The following FUT8 variants were observed in gnomAD, a reference collection of about 807,000 sequenced individuals.
FUT8 encodes alpha-(1,6)-fucosyltransferase.
A neutral mutation model predicts 71.3 loss-of-function variants in FUT8; 29 were observed. The observed-to-expected ratio is 0.41, with a 90% CI of 0.30 to 0.55. The LOEUF (loss-of-function observed/expected upper bound fraction) is 0.55, where lower values mean the gene tolerates loss of function less well. FUT8 is among the 20% of genes least tolerant of loss of function. FUT8 has a pLI of 0.34. For synonymous variants in FUT8, 254 were observed against 239.3 expected, an observed-to-expected ratio of 1.06 and a Z score of -0.57; for missense variants, 544 against 702.1, an observed-to-expected ratio of 0.77 and a Z score of 2.55.
chr14:65,600,935 G>T (rs950337798), intron 3 of FUT8, among the ~76,000 whole-genome samples: 3 of 152,122 alleles, frequency 2.0e-5, no homozygotes, highest in Admixed American at 6.6e-5. Context: ...GTTGGCTGCT[G>T]GATGATGCAA....
chr14:65,393,498 C>G, the FUT8 span, among the ~76,000 whole-genome samples: 1 of 152,092 alleles, frequency 6.6e-6, no homozygotes, highest in African/African-American at 2.4e-5. Flanking sequence ...TATGAGAAGA[C>G]AAAGATAGTG....
At chr14:65,385,377 TTTA>T in the FUT8 span, among the ~76,000 whole-genome samples, 13 of 152,306 alleles carry the variant, frequency 8.5e-5, no homozygotes, top group African/African-American at 3.1e-4. Context: ...TAAACCAATT[TTTA>T]TTCTCCCTTA....
chr14:65,464,657 T>G (rs1464827536), intron 2 of FUT8, among the ~76,000 whole-genome samples: 1 of 152,156 alleles, frequency 6.6e-6, no homozygotes, highest in Non-Finnish European at 1.5e-5. Context: ...TGGATTACAT[T>G]AATTGACTTT....
the FUT8 span, among the ~76,000 whole-genome samples, chr14:65,369,949 G>T: frequency 7.9e-5 from 12 of 152,084 alleles, no homozygotes; most frequent in African/African-American, 2.9e-4. The surrounding 1 kb of genome is among the most constrained non-coding windows in gnomAD (Gnocchi z 4.6). Flanking sequence ...CTTTCTTGCT[G>T]GAGGTCCAAG....
intron 2 of FUT8, among the ~76,000 whole-genome samples, chr14:65,527,174 AT>A (rs1458798133): frequency 6.6e-6 from 1 of 152,092 alleles, no homozygotes; most frequent in African/African-American, 2.4e-5. Flanking sequence ...ACTTGGTTCC[AT>A]TCTCCCTGTC....
the FUT8 span, among the ~76,000 whole-genome samples, chr14:65,384,533 A>G: frequency 3.3e-5 from 5 of 152,162 alleles, no homozygotes; most frequent in Non-Finnish European, 7.4e-5. This position sits in a 1 kb window ranked among gnomAD's most constrained non-coding sequence, Gnocchi z 4.2. Context: ...TCAATTCTCT[A>G]TGTTACTTTA....
At chr14:65,498,428 T>C (rs755497020) in intron 2 of FUT8, among the ~76,000 whole-genome samples, 6 of 152,194 alleles carry the variant, frequency 3.9e-5, no homozygotes, top group Non-Finnish European at 8.8e-5. Context: ...ATTTTTAATA[T>C]CTGTAGTTTT....
At position 65,638,369 on chromosome 14, in the gene FUT8, C is replaced by T. The variant is rs907697731; in HGVS notation, c.597+8763C>T. On this transcript the variant is annotated intron_variant, in intron 6 of 10. Coordinates refer to ENST00000673929, the MANE Select transcript of FUT8 (RefSeq NM_001371533.1). This position sits in a 1 kb window ranked among gnomAD's most constrained non-coding sequence, Gnocchi z 4.5. Reference sequence around the variant, plus strand: ...CCAGAAAGATTTTTTGGTTTGCCCCCGTGTTTTGCTTGCTTTGGTTTATGT... The same window carrying T: ...CCAGAAAGATTTTTTGGTTTGCCCCTGTGTTTTGCTTGCTTTGGTTTATGT... 7.2e-5 allele frequency among the ~76,000 whole-genome samples: 11 copies of T among 152,002 alleles called. No homozygotes were observed. The highest frequency in any genetic ancestry group is 1.9e-4 in the African/African-American group (8 of 41,422).
chr14:65,539,557 T>C (rs534534373), intron 2 of FUT8, among the ~76,000 whole-genome samples: 1 of 152,344 alleles, frequency 6.6e-6, no homozygotes, highest in South Asian at 2.1e-4. Flanking sequence ...AGTTACTAAA[T>C]TTTTTGCTTC....
chr14:65,650,460 C>T (rs1891336181), intron 6 of FUT8, among the ~76,000 whole-genome samples: 1 of 151,776 alleles, frequency 6.6e-6, no homozygotes, highest in Non-Finnish European at 1.5e-5. Context: ...TGTGAGATGT[C>T]TTACATGGTG....
chr14:65,692,388 C>T lies in FUT8; in HGVS notation c.835+22908C>T, dbSNP rs1194298271. ...CCCCCCACCTCCCTCCCGGACGGGG[C>T]GGCTGGCCGGGCGGGGGGCTGACCC... On this transcript the variant is annotated intron_variant, in intron 7 of 10. Coordinates refer to ENST00000673929, the MANE Select transcript of FUT8 (RefSeq NM_001371533.1). 2.3e-4 allele frequency among the ~76,000 whole-genome samples: 31 copies of T among 134,320 alleles called. No individual in the cohort carries two copies. The East Asian group carries it at 5.0e-3, about 21-fold the overall frequency. The allele number at this position is 134,320 out of a possible 152,430, so 88.1% of individuals were successfully genotyped here. A position where few individuals can be genotyped will look rare whatever the true frequency, so the allele number is the denominator to read the frequency against.
rs1000735436 is a variant in FUT8 at position 65,607,660 on chromosome 14, A to C, written c.204-8318A>C. Among the ~76,000 whole-genome samples the C allele has an allele frequency of 6.6e-6, 1 of 151,886 alleles. No individual in the cohort carries two copies. Among genetic ancestry groups the C allele is most frequent in the Admixed American group, 6.6e-5 (1 of 15,208 alleles). On this transcript the variant is annotated intron_variant, in intron 3 of 10. Transcript: ENST00000673929. The surrounding 1 kb of genome is among the most constrained non-coding windows in gnomAD (Gnocchi z 4.1). ...TTCTTTGTTATCCTTGTCTACTTCT[A>C]TATCAATCTTATACTAATCTCAGGA...
At chr14:65,366,911 G>A in the FUT8 span, among the ~76,000 whole-genome samples, 5 of 152,196 alleles carry the variant, frequency 3.3e-5, no homozygotes, top group Admixed American at 6.5e-5. Flanking sequence ...AGGGAGGGGA[G>A]AGGAAGAGAC....
chr14:65,671,191 CA>C (rs1381583188), intron 7 of FUT8, among the ~76,000 whole-genome samples: 13 of 152,202 alleles, frequency 8.5e-5, no homozygotes, highest in African/African-American at 2.9e-4. Flanking sequence ...TAGGGGGAGA[CA>C]ACTTTTTGTA....
chr14:65,393,309 TG>T, the FUT8 span, among the ~76,000 whole-genome samples: 1 of 152,038 alleles, frequency 6.6e-6, no homozygotes, highest in African/African-American at 2.4e-5. Context: ...AAGGGAAGGG[TG>T]GCCCAAGAAA....
intron 9 of FUT8, among the ~76,000 whole-genome samples, chr14:65,727,091 A>G (rs1437472407): frequency 6.6e-6 from 1 of 152,166 alleles, no homozygotes; most frequent in East Asian, 1.9e-4. Context: ...TTTGCAGTGT[A>G]TAGCCCCCCT....
chr14:65,521,993 C>T (rs1594731751), intron 2 of FUT8, among the ~76,000 whole-genome samples: 1 of 151,932 alleles, frequency 6.6e-6, no homozygotes, highest in African/African-American at 2.4e-5. Context: ...GAATGACTTC[C>T]AAAAGTCACC....
At chr14:65,721,697 C>G in intron 7 of FUT8, 78 bp from the exon 8 acceptor site, 2 of 1,419,666 alleles carry the variant, frequency 1.4e-6, no homozygotes, top group Non-Finnish European at 2.0e-6. Flanking sequence ...GATGAAAGCA[C>G]TCAGAATAAG....
intron 2 of FUT8, among the ~76,000 whole-genome samples, chr14:65,515,415 G>A (rs1182504921): frequency 6.6e-6 from 1 of 151,558 alleles, no homozygotes; most frequent in Admixed American, 6.6e-5. Flanking sequence ...TATTCATAGA[G>A]CAGTAATATA....
Sources: gnomAD v4.1 joint callset for allele counts (sites outside exome capture counted in the v4.1 genomes callset) on GRCh38, gnomAD v4.1.1 for gene constraint, Gnocchi (gnomAD v3.1) non-coding constraint, MANE v1.5 for transcripts, NCBI Gene and HGNC (gene_info 2026-07-23, HGNC 2026-07-21) for gene names.